DEK: variants seen among roughly 807,000 people sequenced by gnomAD.
The protein encoded by DEK is DEK proto-oncogene.
In DEK, 28 loss-of-function variants were observed where a neutral mutation model predicts 46.8. The observed-to-expected ratio is 0.60, with a 90% CI of 0.44 to 0.82. DEK has a LOEUF of 0.82. Among genes scored for constraint, DEK ranks in the 40% least tolerant of loss-of-function variants. The probability of loss-of-function intolerance (pLI) is 0.00; values close to 1 mark genes in which losing one functional copy is unlikely to be tolerated. For synonymous variants in DEK, 160 were observed against 144.5 expected (o/e 1.11, Z -0.77); for missense variants, 416 against 430.6 (o/e 0.97, Z 0.30).
At chr6:18,238,129 A>G (rs1374129497) in intron 7 of DEK, among the ~76,000 whole-genome samples, 1 of 151,810 alleles carries the variant, frequency 6.6e-6, no homozygotes, top group Non-Finnish European at 1.5e-5. Context: ...TTGGCCTCCC[A>G]AAGTGCTGGG....
At chr6:18,258,484 A>C in intron 2 of DEK, 79 bp from the exon 3 acceptor site, 1 of 1,054,140 alleles carries the variant, frequency 9.5e-7, no homozygotes, top group Admixed American at 2.1e-5. Context: ...CATGTAGAAC[A>C]AAGTCCCCAA....
intron 7 of DEK, among the ~76,000 whole-genome samples, chr6:18,248,083 A>G (rs1369829619): frequency 1.3e-5 from 2 of 152,200 alleles, no homozygotes; most frequent in African/African-American, 4.8e-5. Context: ...TAATACTTAC[A>G]TACTATATGC....
At chr6:18,237,268 C>T in intron 8 of DEK, 113 bp downstream of exon 8, 1 of 1,277,560 alleles carries the variant, frequency 7.8e-7, no homozygotes, top group Non-Finnish European at 1.0e-6. Flanking sequence ...TTACTTCTCC[C>T]CGCAATGTTC....
At chr6:18,257,208 A>G (rs1354352312) in intron 4 of DEK, among the ~76,000 whole-genome samples, 1 of 152,240 alleles carries the variant, frequency 6.6e-6, no homozygotes, top group Admixed American at 6.5e-5. Flanking sequence ...TATGAGATAC[A>G]AATGATTTTG....
chr6:18,256,326 T>C (rs749592224), intron 5 of DEK, 35 bp downstream of exon 5: 24 of 1,538,948 alleles, frequency 1.6e-5, no homozygotes, highest in African/African-American at 6.9e-5. Flanking sequence ...TTAAAGCATA[T>C]TGATCAAAAT....
chr6:18,242,804 T>G (rs563902255), intron 7 of DEK, among the ~76,000 whole-genome samples: 2 of 152,214 alleles, frequency 1.3e-5, no homozygotes, highest in Admixed American at 1.3e-4. Flanking sequence ...AGCTCTTTAC[T>G]CAAGGAAAGA....
intron 7 of DEK, among the ~76,000 whole-genome samples, chr6:18,239,763 T>G (rs1790825697): frequency 6.6e-6 from 1 of 152,080 alleles, no homozygotes; most frequent in Non-Finnish European, 1.5e-5. Flanking sequence ...TGATTTGTCG[T>G]TTTTTTATGA....
Position 18,249,716 on chromosome 6 carries a change from C to T in DEK, c.697G>A (p.Asp233Asn). 6.2e-7 allele frequency: 1 copy of T among 1,610,112 alleles called. No individual in the cohort carries two copies. The highest frequency in any genetic ancestry group is 8.5e-7 in the Non-Finnish European group (1 of 1,178,614). The change falls in exon 7 of 11, where the codon GAT becomes AAT. Residue 233 changes from aspartate to asparagine, a missense_variant. Physicochemically the swap from Asp to Asn is conservative, Grantham distance 23. Coordinates refer to ENST00000652689, the MANE Select transcript of DEK (RefSeq NM_003472.4). ...TCCTTGTTTTTCTTTTCATCTTCAT[C>T]ACTACTAGATTCATCTGACAGAATT... Reference protein sequence around the residue: ...PEILSDESSSDEDEKKNKEES... With the variant: ...PEILSDESSSNEDEKKNKEES...
At chr6:18,246,473 C>T (rs1791119524) in intron 7 of DEK, among the ~76,000 whole-genome samples, 1 of 152,210 alleles carries the variant, frequency 6.6e-6, no homozygotes, top group Admixed American at 6.5e-5. Context: ...GGTACAGGTA[C>T]AGAAAACCTC....
At chr6:18,252,508 C>CTA (rs1561988206) in intron 6 of DEK, among the ~76,000 whole-genome samples, 1 of 32,974 alleles carries the variant, frequency 3.0e-5, no homozygotes, top group African/African-American at 2.6e-4. Context: ...AACGCTGTCT[C>CTA]CAAAAAAAAA....
chr6:18,225,758 C>T, intron 10 of DEK, 28 bp from the exon 11 acceptor site: 1 of 1,612,178 alleles, frequency 6.2e-7, no homozygotes. Context: ...CATTATTTTG[C>T]CATAAATCAT....
intron 2 of DEK, among the ~76,000 whole-genome samples, chr6:18,261,505 A>T (rs1397407436): frequency 1.3e-5 from 2 of 152,164 alleles, no homozygotes; most frequent in African/African-American, 4.8e-5. Context: ...CAGGAGGCAG[A>T]GGTTGCGGTT....
chr6:18,256,212 C>G lies in DEK; in HGVS notation c.452+149G>C. 3 of 624,648 alleles carry G rather than the reference C, an allele frequency of 4.8e-6. No individual in the cohort carries two copies. In the South Asian group the frequency reaches 6.7e-5, roughly 14 times the overall value. 38.7% of individuals were successfully genotyped at this position (624,648 alleles called of 1,614,324 possible). On this transcript the variant is annotated intron_variant, in intron 5 of 10. Coordinates refer to ENST00000652689, the MANE Select transcript of DEK (RefSeq NM_003472.4). ...ATGTTGGTCAGGCTGGTCTCAAACT[C>G]CTGACCTCAGGTGATACGCCCGCCT...
chr6:18,229,659 G>A (rs974784290), intron 9 of DEK, among the ~76,000 whole-genome samples: 10 of 152,230 alleles, frequency 6.6e-5, no homozygotes, highest in Non-Finnish European at 1.0e-4. Flanking sequence ...GAAATGAAGC[G>A]AGAAGAGAAG....
At chr6:18,239,775 G>T (rs1265630374) in intron 7 of DEK, among the ~76,000 whole-genome samples, 2 of 152,060 alleles carry the variant, frequency 1.3e-5, no homozygotes, top group African/African-American at 4.8e-5. Flanking sequence ...TTTTTATGAC[G>T]AACTTAAACT....
chr6:18,241,165 A>G (rs1288052675), intron 7 of DEK, among the ~76,000 whole-genome samples: 1 of 152,168 alleles, frequency 6.6e-6, no homozygotes, highest in Non-Finnish European at 1.5e-5. Flanking sequence ...GCTGCCCTGA[A>G]GGTTATTAGG....
At chr6:18,247,924 G>A (rs754484260) in intron 7 of DEK, among the ~76,000 whole-genome samples, 15 of 151,998 alleles carry the variant, frequency 9.9e-5, no homozygotes, top group Non-Finnish European at 1.6e-4. Context: ...CACCCACCTC[G>A]GCCTCCCAAA....
chr6:18,238,818 T>C (rs1790778469), intron 7 of DEK, among the ~76,000 whole-genome samples: 1 of 152,228 alleles, frequency 6.6e-6, no homozygotes, highest in Admixed American at 6.5e-5. Context: ...TCCAAGATAT[T>C]TTAAATTCTC....
Position 18,224,964 on chromosome 6 carries a change from TC to T in DEK, c.*754del. Reference sequence around the variant, plus strand: ...TTTCGAGGCAAAGCAGGGTAACTGTTCCTTCAGTGTTGCCATCACTGAATTG... The same window carrying T: ...TTTCGAGGCAAAGCAGGGTAACTGTTCTTCAGTGTTGCCATCACTGAATTG... On this transcript the variant is annotated 3_prime_UTR_variant, in exon 11 of 11. Transcript: ENST00000652689. 1 of 217,028 alleles carries T rather than the reference TC, an allele frequency of 4.6e-6. No homozygotes were observed. The highest frequency in any genetic ancestry group is 2.2e-5 in the African/African-American group (1 of 44,600). 13.4% of individuals were successfully genotyped at this position (217,028 alleles called of 1,614,324 possible).
Sources: allele counts gnomAD v4.1 joint callset (sites outside exome capture counted in the v4.1 genomes callset), GRCh38; gene constraint gnomAD v4.1.1; transcripts MANE v1.5; gene names NCBI Gene and HGNC (gene_info 2026-07-23, HGNC 2026-07-21).